The following KANSL1 variants were observed in gnomAD, a reference collection of about 807,000 sequenced individuals.
KANSL1 encodes the protein KAT8 regulatory NSL complex subunit 1.
In KANSL1, 22 loss-of-function variants were observed where a neutral mutation model predicts 103.6. That is an observed-to-expected ratio of 0.21 (90% CI 0.15 to 0.30). The LOEUF is 0.30. Ranked by LOEUF, KANSL1 falls within the 10% of genes least tolerant of loss-of-function variation. KANSL1 has a pLI of 1.00. For synonymous variants in KANSL1, 600 were observed against 527.6 expected, an observed-to-expected ratio of 1.14 and a Z score of -1.88; for missense variants, 1,337 against 1,399.8, an observed-to-expected ratio of 0.96 and a Z score of 0.72.
At chr17:46,094,389 G>A (rs192790110) in intron 3 of KANSL1, 171 bp downstream of exon 3, 24 of 793,220 alleles carry the variant, frequency 3.0e-5, no homozygotes, top group South Asian at 1.4e-4. Context: ...GAGCCACCAC[G>A]CGCAGCCACA....
intron 2 of KANSL1, among the ~76,000 whole-genome samples, chr17:46,109,524 C>A (rs777190127): frequency 2.0e-5 from 3 of 152,006 alleles, no homozygotes; most frequent in Non-Finnish European, 2.9e-5. Context: ...CCCTCAAAAA[C>A]CACACCCCCA....
chr17:46,131,244 G>C (rs2043848377), intron 2 of KANSL1, among the ~76,000 whole-genome samples: 1 of 152,176 alleles, frequency 6.6e-6, no homozygotes, highest in South Asian at 2.1e-4. Flanking sequence ...AAATCAATGG[G>C]TGAATGGGAA....
intron 3 of KANSL1, among the ~76,000 whole-genome samples, chr17:46,089,019 A>AT (rs1271805113): frequency 6.6e-6 from 1 of 152,252 alleles, no homozygotes; most frequent in African/African-American, 2.4e-5. Context: ...TTGGAATCAG[A>AT]TAAAAAGTCC....
intron 2 of KANSL1, among the ~76,000 whole-genome samples, chr17:46,155,053 A>G (rs1169259037): frequency 4.6e-5 from 7 of 152,066 alleles, no homozygotes; most frequent in African/African-American, 1.7e-4. Flanking sequence ...TGAAATAACT[A>G]TACTAAAAGG....
At chr17:46,107,646 C>T (rs1289571196) in intron 2 of KANSL1, among the ~76,000 whole-genome samples, 1 of 152,204 alleles carries the variant, frequency 6.6e-6, no homozygotes, top group Admixed American at 6.5e-5. Context: ...ATGTTTCTGA[C>T]TCCCAAATTC....
chr17:46,165,676 A>C (rs1042719716), intron 2 of KANSL1, among the ~76,000 whole-genome samples: 2 of 150,862 alleles, frequency 1.3e-5, no homozygotes, highest in Non-Finnish European at 2.9e-5. Flanking sequence ...ACGCCTGGCT[A>C]ATTTTTGAAT....
intron 3 of KANSL1, among the ~76,000 whole-genome samples, chr17:46,087,256 C>T (rs577974787): frequency 5.9e-4 from 90 of 152,272 alleles, no homozygotes; most frequent in African/African-American, 2.1e-3. Context: ...AAAATATGTG[C>T]TCAAGTGTTA....
chr17:46,131,313 T>C (rs1196797338), intron 2 of KANSL1, among the ~76,000 whole-genome samples: 1 of 152,242 alleles, frequency 6.6e-6, no homozygotes, highest in Non-Finnish European at 1.5e-5. Context: ...ATGATGTCCA[T>C]CTAACATCCA....
At chr17:46,096,117 C>G in intron 2 of KANSL1, among the ~76,000 whole-genome samples, 1 of 150,338 alleles carries the variant, frequency 6.7e-6, no homozygotes, top group Non-Finnish European at 1.5e-5. Context: ...ATGTGCATAC[C>G]CAACCATCAT....
At chr17:46,059,520 G>A (rs1568399845) in intron 6 of KANSL1, among the ~76,000 whole-genome samples, 1 of 151,544 alleles carries the variant, frequency 6.6e-6, no homozygotes, top group Non-Finnish European at 1.5e-5. Flanking sequence ...TTGGAAGGCT[G>A]AGGCAGGAAG....
chr17:46,063,743 CAGA>C (rs1261447296), intron 6 of KANSL1, among the ~76,000 whole-genome samples: 1 of 152,088 alleles, frequency 6.6e-6, no homozygotes, highest in Admixed American at 6.6e-5. Flanking sequence ...AGGCATGGAT[CAGA>C]AGAAGGTTGG....
At chr17:46,040,118 T>C (rs138420167) in intron 7 of KANSL1, 1 of 436,242 alleles carries the variant, frequency 2.3e-6, no homozygotes, top group Admixed American at 4.0e-5. Flanking sequence ...ACAAGACACC[T>C]TTTTGGTTTG....
chr17:46,031,909 G>A (rs2077019425), intron 14 of KANSL1, 138 bp downstream of exon 14: 3 of 1,250,734 alleles, frequency 2.4e-6, no homozygotes, highest in Non-Finnish European at 3.4e-6. Context: ...ACTGAACGTT[G>A]AGGAGATCAA....
intron 1 of KANSL1, among the ~76,000 whole-genome samples, chr17:46,201,462 T>C (rs370467031): frequency 3.9e-5 from 6 of 152,372 alleles, no homozygotes; most frequent in African/African-American, 9.6e-5. Context: ...CTGAAACTTT[T>C]TGAGTGCCAA....
chr17:46,142,752 T>TG (rs2044489468), intron 2 of KANSL1, among the ~76,000 whole-genome samples: 1 of 152,286 alleles, frequency 6.6e-6, no homozygotes, highest in Non-Finnish European at 1.5e-5. Context: ...CCATGCTAAT[T>TG]GGAGTGTGGT....
intron 1 of KANSL1, among the ~76,000 whole-genome samples, chr17:46,216,947 A>T (rs1006819402): frequency 6.6e-6 from 1 of 152,050 alleles, no homozygotes; most frequent in Non-Finnish European, 1.5e-5. Context: ...CTCTACTAAA[A>T]ATATTTAAAA....
chr17:46,049,504 G>A (rs1477560118), intron 7 of KANSL1: 1 of 152,242 alleles, frequency 6.6e-6, no homozygotes, highest in Non-Finnish European at 1.5e-5. Flanking sequence ...AAAGTGCTGG[G>A]ATTACAAGCG....
At position 46,143,297 on chromosome 17, in the gene KANSL1, C is replaced by A. The variant is rs537268457; in HGVS notation, c.1289+27558G>T. On this transcript the variant is annotated intron_variant, in intron 2 of 14. Transcript: ENST00000432791. ...TCACCTGAAGTCAGGAGTTCAAGAC[C>A]AGCCTGGCCAACATGGTGAAACCCC... 1.2e-4 allele frequency among the ~76,000 whole-genome samples: 18 copies of A among 151,974 alleles called. 1 individual carries two copies. The highest frequency in any genetic ancestry group is 3.9e-4 in the African/African-American group (16 of 41,394).
At chr17:46,047,604 C>CA (rs2077557073) in intron 7 of KANSL1, among the ~76,000 whole-genome samples, 1 of 151,908 alleles carries the variant, frequency 6.6e-6, no homozygotes, top group African/African-American at 2.4e-5. Flanking sequence ...GGCAATATAG[C>CA]AAGACCCCAT....
Sources: gnomAD v4.1 joint callset for allele counts (sites outside exome capture counted in the v4.1 genomes callset) on GRCh38, gnomAD v4.1.1 for gene constraint, MANE v1.5 for transcripts, NCBI Gene and HGNC (gene_info 2026-07-23, HGNC 2026-07-21) for gene names.